The following SAMHD1 variants were observed in gnomAD, a reference collection of about 807,000 sequenced individuals.
SAMHD1 encodes the protein deoxynucleoside triphosphate triphosphohydrolase SAMHD1.
In SAMHD1, 54 loss-of-function variants were observed where a neutral mutation model predicts 79.6. The ratio of observed to expected loss-of-function variants is 0.68; its 90% CI spans 0.55 to 0.85. The LOEUF is 0.85. SAMHD1 is among the 40% of genes least tolerant of loss of function. SAMHD1 has a pLI of 0.00. For synonymous variants in SAMHD1, 260 were observed against 264.1 expected (o/e 0.98, Z 0.15); for missense variants, 663 against 782.7 (o/e 0.85, Z 1.82).
At chr20:36,947,508 T>C (rs1483567564) in intron 1 of SAMHD1, among the ~76,000 whole-genome samples, 2 of 139,160 alleles carry the variant, frequency 1.4e-5, no homozygotes, top group Admixed American at 7.2e-5. Flanking sequence ...TGTGTGTGTG[T>C]GTGTGTCCTG....
At chr20:36,921,271 T>TA (rs2063501902) in intron 6 of SAMHD1, among the ~76,000 whole-genome samples, 1 of 150,954 alleles carries the variant, frequency 6.6e-6, no homozygotes, top group South Asian at 2.1e-4. Context: ...CATGCACCTG[T>TA]AGTCCCAGCT....
intron 10 of SAMHD1, 168 bp downstream of exon 10, chr20:36,912,293 A>G (rs1169534482): frequency 2.8e-5 from 17 of 605,184 alleles, no homozygotes; most frequent in African/African-American, 7.4e-5. Flanking sequence ...CTTTTCCTCC[A>G]ACTAAATTAA....
At chr20:36,907,751 C>T (rs2063413721) in intron 11 of SAMHD1, among the ~76,000 whole-genome samples, 1 of 151,834 alleles carries the variant, frequency 6.6e-6, no homozygotes, top group Non-Finnish European at 1.5e-5. Flanking sequence ...GCTGGGATTA[C>T]AGGCGTAAGC....
intron 9 of SAMHD1, chr20:36,916,505 A>G: frequency 2.1e-6 from 1 of 487,120 alleles, no homozygotes; most frequent in Non-Finnish European, 3.6e-6. Flanking sequence ...AAAAACCCCA[A>G]AACCAGTGTC....
intron 3 of SAMHD1, among the ~76,000 whole-genome samples, chr20:36,936,921 A>C (rs2146139527): frequency 1.3e-5 from 2 of 152,110 alleles, no homozygotes; most frequent in Middle Eastern, 3.4e-3. Flanking sequence ...CGGGTGGATC[A>C]CCTGAGATCA....
Position 36,946,896 on chromosome 20 carries a change from T to G in SAMHD1, c.209-92A>C, listed in dbSNP as rs903066504. 3.1e-6 allele frequency: 3 copies of G among 982,546 alleles called. No individual in the cohort carries two copies. In the African/African-American group the frequency reaches 4.8e-5, roughly 16 times the overall value. 60.9% of individuals were successfully genotyped at this position (982,546 alleles called of 1,614,324 possible). On this transcript the variant is annotated intron_variant, in intron 1 of 15. Transcript: ENST00000646673. The stretch of plus-strand genomic sequence containing the variant: ...ACACCAACATTTACCCAGATCCACA[T>G]AAGTGAGTACCCACTGCAGGCAATG...
At chr20:36,911,402 G>C in intron 10 of SAMHD1, 69 bp from the exon 11 acceptor site, 1 of 959,906 alleles carries the variant, frequency 1.0e-6, no homozygotes. Context: ...TCTTACTTAA[G>C]GAAATCTTTC....
At chr20:36,923,784 C>T (rs918935128) in intron 6 of SAMHD1, among the ~76,000 whole-genome samples, 1 of 151,932 alleles carries the variant, frequency 6.6e-6, no homozygotes, top group Non-Finnish European at 1.5e-5. Flanking sequence ...CTCTGTTCTC[C>T]ACAGAAAGGA....
intron 10 of SAMHD1, 56 bp from the exon 11 acceptor site, chr20:36,911,389 A>C (rs1601124858): frequency 2.8e-6 from 3 of 1,056,248 alleles, no homozygotes; most frequent in East Asian, 4.7e-5. Context: ...TATTTGCCTT[A>C]TGTCTTACTT....
chr20:36,919,150 G>A (rs1423195066), intron 7 of SAMHD1, among the ~76,000 whole-genome samples: 2 of 152,018 alleles, frequency 1.3e-5, no homozygotes, highest in Non-Finnish European at 2.9e-5. Context: ...AAGAATTTCT[G>A]TATATATATT....
intron 1 of SAMHD1, among the ~76,000 whole-genome samples, chr20:36,949,471 A>T (rs988507186): frequency 1.2e-4 from 18 of 145,550 alleles, no homozygotes; most frequent in African/African-American, 4.5e-4. Context: ...AAAAAAAAAA[A>T]TGAGGCCGGG....
intron 2 of SAMHD1, among the ~76,000 whole-genome samples, chr20:36,944,117 G>A (rs2063667548): frequency 6.7e-6 from 1 of 149,806 alleles, no homozygotes; most frequent in Non-Finnish European, 1.5e-5. Context: ...GAGGCCTGAG[G>A]CGGGCAGATC....
chr20:36,933,829 G>A (rs960057808), intron 4 of SAMHD1, among the ~76,000 whole-genome samples: 1 of 151,720 alleles, frequency 6.6e-6, no homozygotes, highest in African/African-American at 2.4e-5. Context: ...GGCGGATCAC[G>A]AGGTCAAGAA....
intron 1 of SAMHD1, among the ~76,000 whole-genome samples, chr20:36,947,405 GGTGTGTGTGTGTGTGT>G (rs771698070): frequency 6.9e-5 from 2 of 29,130 alleles, no homozygotes; most frequent in Non-Finnish European, 1.1e-4. Context: ...ATTTGGAAGA[GGTGTGTGTGTGTGTGT>G]GTGTGTGTGT....
chr20:36,898,113 C>A (rs145982728), intron 14 of SAMHD1, among the ~76,000 whole-genome samples, 154 bp from the exon 15 acceptor site: 2 of 152,150 alleles, frequency 1.3e-5, no homozygotes, highest in Admixed American at 1.3e-4. Flanking sequence ...CTCACTGAAG[C>A]CTTGACCTCC....
At chr20:36,932,919 GT>G (rs967011669) in intron 4 of SAMHD1, among the ~76,000 whole-genome samples, 4 of 151,462 alleles carry the variant, frequency 2.6e-5, no homozygotes, top group African/African-American at 7.3e-5. Context: ...TTTTACCACA[GT>G]TTTTTTTTAA....
intron 15 of SAMHD1, among the ~76,000 whole-genome samples, chr20:36,895,258 T>C (rs190238190): frequency 1.6e-4 from 24 of 151,954 alleles, no homozygotes; most frequent in Non-Finnish European, 2.9e-4. Flanking sequence ...AACCCTGTGG[T>C]GTCTATGCCT....
intron 3 of SAMHD1, among the ~76,000 whole-genome samples, chr20:36,938,825 G>A (rs1380396143): frequency 6.6e-6 from 1 of 150,820 alleles, no homozygotes; most frequent in African/African-American, 2.4e-5. Flanking sequence ...CAGCCTGGGA[G>A]ACAGAGCAAG....
At chr20:36,903,941 C>T (rs2063390931) in intron 13 of SAMHD1, 1 of 500,572 alleles carries the variant, frequency 2.0e-6, no homozygotes, top group Non-Finnish European at 3.6e-6. Context: ...TTAATATAGA[C>T]AATGTAATCA....
Sources: allele counts gnomAD v4.1 joint callset (sites outside exome capture counted in the v4.1 genomes callset), GRCh38; gene constraint gnomAD v4.1.1; transcripts MANE v1.5; gene names NCBI Gene and HGNC (gene_info 2026-07-23, HGNC 2026-07-21).